Variants in TSPAN15 observed in about 807,000 individuals in gnomAD.
The protein encoded by TSPAN15 is tetraspanin 15.
In TSPAN15, 20 loss-of-function variants were observed where a neutral mutation model predicts 34.5. That is an observed-to-expected ratio of 0.58 (90% CI 0.41 to 0.84). The LOEUF is 0.84. Ranked by LOEUF, TSPAN15 falls within the 40% of genes least tolerant of loss-of-function variation. The pLI, the probability that TSPAN15 is intolerant of heterozygous loss-of-function variation, is 0.00. For missense variants in TSPAN15, 313 were observed against 386.1 expected, an observed-to-expected ratio of 0.81 and a Z score of 1.59; for synonymous variants, 155 against 153.9, an observed-to-expected ratio of 1.01 and a Z score of -0.05.
At position 69,483,859 on chromosome 10, in the gene TSPAN15, C is replaced by G. The variant is rs371954249; in HGVS notation, c.265C>G (p.Leu89Val). 90 of 1,613,626 alleles carry G rather than the reference C, an allele frequency of 5.6e-5. No homozygotes were observed. The highest frequency in any genetic ancestry group is 7.0e-5 in the Non-Finnish European group (83 of 1,179,942). Residue 89 changes from leucine (L) to valine (V), a missense_variant, in exon 2 of 8, where the codon CTG (leucine) becomes GTG (valine). By Grantham distance (32) the Leu-to-Val change is conservative (BLOSUM62 1). Coordinates refer to ENST00000373290, the MANE Select transcript of TSPAN15 (RefSeq NM_012339.5). ...IGVLASLRDNLYLLQAFMYIL... is the reference protein window; with the variant it reads ...IGVLASLRDNVYLLQAFMYIL... ...TGTGCTGGCGTCCCTCCGTGACAAC[C>G]TGTACCTTCTCCAAGCAGTGAGTGG... is the stretch of plus-strand genomic sequence containing the variant.
the TSPAN15 span, among the ~76,000 whole-genome samples, chr10:69,536,703 G>T: frequency 6.6e-6 from 1 of 152,092 alleles, no homozygotes; most frequent in Non-Finnish European, 1.5e-5. Flanking sequence ...CACCGGTCCT[G>T]GTCGGGCATG....
intron 1 of TSPAN15, among the ~76,000 whole-genome samples, chr10:69,472,634 G>A (rs1185571062): frequency 1.3e-5 from 2 of 152,192 alleles, no homozygotes; most frequent in Admixed American, 6.5e-5. Flanking sequence ...ACCAAAGAGG[G>A]TCTGAAGGGG....
intron 1 of TSPAN15, among the ~76,000 whole-genome samples, chr10:69,472,678 A>G (rs180789139): frequency 3.3e-5 from 5 of 152,272 alleles, no homozygotes; most frequent in Admixed American, 3.3e-4. Flanking sequence ...GGGTTTTGAA[A>G]TGTCAGCATT....
At chr10:69,543,573 G>A in the TSPAN15 span, among the ~76,000 whole-genome samples, 1 of 152,144 alleles carries the variant, frequency 6.6e-6, no homozygotes, top group Non-Finnish European at 1.5e-5. Context: ...CTTGTAGGTG[G>A]GGAGGGAAGG....
At chr10:69,520,167 T>A in the TSPAN15 span, among the ~76,000 whole-genome samples, 2 of 152,212 alleles carry the variant, frequency 1.3e-5, no homozygotes, top group African/African-American at 2.4e-5. Context: ...CAGCCATACA[T>A]CCCCACTTCC....
chr10:69,521,449 A>G, the TSPAN15 span, among the ~76,000 whole-genome samples: 1 of 147,796 alleles, frequency 6.8e-6, no homozygotes, highest in African/African-American at 2.5e-5. Flanking sequence ...GTTTGAGACC[A>G]GCCTGGCCAA....
the TSPAN15 span, among the ~76,000 whole-genome samples, chr10:69,526,444 T>G: frequency 6.8e-6 from 1 of 147,910 alleles, no homozygotes; most frequent in Non-Finnish European, 1.5e-5. Flanking sequence ...ATCAGAGAAA[T>G]GCAAATTAAA....
At chr10:69,483,098 C>T (rs963542099) in intron 1 of TSPAN15, among the ~76,000 whole-genome samples, 2 of 152,128 alleles carry the variant, frequency 1.3e-5, no homozygotes, top group African/African-American at 2.4e-5. Flanking sequence ...ACGCCATTCT[C>T]CTGCCTCAGC....
chr10:69,494,814 T>C lies in TSPAN15; in HGVS notation c.358-780T>C, dbSNP rs1381642325. 11 of 985,448 alleles carry C rather than the reference T, an allele frequency of 1.1e-5. No homozygotes were observed. The South Asian group carries it at 3.3e-4, about 29-fold the overall frequency. 61.0% of individuals were successfully genotyped at this position (985,448 alleles called of 1,614,324 possible). A position where few individuals can be genotyped will look rare whatever the true frequency, so the allele number is the denominator to read the frequency against. On this transcript the variant is annotated intron_variant, in intron 3 of 7. Transcript: ENST00000373290. ...GACCTCCGTGCTCTGAAAGCTGCGA[T>C]TGTTACAGTGAGCTGGGCTGCCCAC...
chr10:69,513,321 C>A, the TSPAN15 span, among the ~76,000 whole-genome samples: 1 of 152,016 alleles, frequency 6.6e-6, no homozygotes, highest in Non-Finnish European at 1.5e-5. Flanking sequence ...GATACGGGTC[C>A]TTGATTAGTT....
Position 69,476,581 on chromosome 10 carries a change from A to AT in TSPAN15, c.97-7110_97-7109insT, listed in dbSNP as rs59050703. 2.7e-3 allele frequency among the ~76,000 whole-genome samples: 408 copies of AT among 151,284 alleles called. 8 individuals are homozygous for AT. Among genetic ancestry groups the AT allele is most frequent in the Admixed American group, 0.02 (296 of 15,166 alleles). ...CAAAGGGTCTCAAAAAAAAAAAAAA[A>AT]GTAACAAAAGCAGGCTGTGTCAGAG... is the stretch of plus-strand genomic sequence containing the variant. On this transcript the variant is annotated intron_variant, in intron 1 of 7. Coordinates refer to ENST00000373290, the MANE Select transcript of TSPAN15 (RefSeq NM_012339.5).
At chr10:69,509,796 G>A (rs1400190637), downstream of TSPAN15, among the ~76,000 whole-genome samples, 2 of 152,118 alleles carry the variant, frequency 1.3e-5, no homozygotes, top group Non-Finnish European at 2.9e-5. Flanking sequence ...TCAGTTTTCT[G>A]TATATGGCTA....
chr10:69,459,923 C>A (rs188041965), intron 1 of TSPAN15, among the ~76,000 whole-genome samples: 1 of 112,670 alleles, frequency 8.9e-6, no homozygotes, highest in East Asian at 2.0e-4. Context: ...TCTAGGCACC[C>A]CCCCCCCACG....
the TSPAN15 span, among the ~76,000 whole-genome samples, chr10:69,538,676 G>T: frequency 2.6e-5 from 4 of 152,312 alleles, no homozygotes; most frequent in South Asian, 8.3e-4. Flanking sequence ...CTGACTAGAG[G>T]CTCCATAGGC....
At chr10:69,484,730 G>A (rs969452780) in intron 2 of TSPAN15, among the ~76,000 whole-genome samples, 2 of 152,164 alleles carry the variant, frequency 1.3e-5, no homozygotes, top group South Asian at 2.1e-4. Context: ...GGGGATCTGG[G>A]AAGTCACATC....
chr10:69,491,972 C>A (rs1841978557), intron 3 of TSPAN15, among the ~76,000 whole-genome samples: 1 of 152,192 alleles, frequency 6.6e-6, no homozygotes, highest in East Asian at 1.9e-4. Flanking sequence ...GTGGAGGCTT[C>A]AGATAAAAAC....
downstream of TSPAN15, among the ~76,000 whole-genome samples, chr10:69,508,716 A>G (rs1009328265): frequency 3.9e-5 from 6 of 152,190 alleles, no homozygotes; most frequent in Admixed American, 2.0e-4. Flanking sequence ...GGTAATTCTT[A>G]TCTTCATTTT....
At chr10:69,546,842 C>T in the TSPAN15 span, among the ~76,000 whole-genome samples, 5 of 152,144 alleles carry the variant, frequency 3.3e-5, no homozygotes, top group Non-Finnish European at 5.9e-5. Flanking sequence ...AAAAATCTCC[C>T]TGCTCAAAGA....
At chr10:69,537,566 C>T in the TSPAN15 span, among the ~76,000 whole-genome samples, 634 of 152,264 alleles carry the variant, frequency 4.2e-3, 5 homozygotes, top group African/African-American at 0.014. Flanking sequence ...CAGCAGAAAT[C>T]CATAATCTTC....
Sources: gnomAD v4.1 joint callset for allele counts (sites outside exome capture counted in the v4.1 genomes callset) on GRCh38, gnomAD v4.1.1 for gene constraint, MANE v1.5 for transcripts, NCBI Gene and HGNC (gene_info 2026-07-23, HGNC 2026-07-21) for gene names.